MYH11: variants seen among roughly 807,000 people sequenced by gnomAD.
MYH11 encodes the protein myosin heavy chain 11, also known as myosin-11.
A neutral mutation model predicts 246.6 loss-of-function variants in MYH11; 80 were observed. The ratio of observed to expected loss-of-function variants is 0.32; its 90% confidence interval spans 0.27 to 0.39. The LOEUF (loss-of-function observed/expected upper bound fraction) is 0.39, where lower values mean the gene tolerates loss of function less well. MYH11 is among the 10% of genes least tolerant of loss of function. MYH11 has a pLI of 1.00. For synonymous variants in MYH11, 1,071 were observed against 1,015.5 expected (o/e 1.05, Z -1.04); for missense variants, 2,158 against 2,546.8 (o/e 0.85, Z 3.29).
chr16:15,786,870 T>G, intron 4 of MYH11, 138 bp from the exon 5 acceptor site: 1 of 844,562 alleles, frequency 1.2e-6, no homozygotes, highest in Non-Finnish European at 2.0e-6. Context: ...GGGAAGTAAC[T>G]TGCCCAAGGC....
intron 20 of MYH11, among the ~76,000 whole-genome samples, chr16:15,743,432 G>A (rs2041331031): frequency 6.6e-6 from 1 of 152,136 alleles, no homozygotes; most frequent in South Asian, 2.1e-4. Flanking sequence ...GCCACCCAAA[G>A]TGCTGGGATT....
intron 12 of MYH11, 92 bp from the exon 13 acceptor site, chr16:15,758,092 C>T (rs2041778464): frequency 2.5e-6 from 4 of 1,574,476 alleles, no homozygotes; most frequent in Admixed American, 1.7e-5. Flanking sequence ...ACAGCGCCCC[C>T]ATGGCCCGCC....
intron 13 of MYH11, 54 bp from the exon 14 acceptor site, chr16:15,756,568 C>T: frequency 1.3e-6 from 2 of 1,596,042 alleles, no homozygotes; most frequent in Non-Finnish European, 1.7e-6. Flanking sequence ...CTCAGGCATT[C>T]CATGAAGAGC....
At chr16:15,735,604 G>A in intron 25 of MYH11, 26 bp from the exon 26 acceptor site, 19 of 1,612,810 alleles carry the variant, frequency 1.2e-5, no homozygotes, top group Non-Finnish European at 1.6e-5. Context: ...CCAGCAGAAT[G>A]AACCCCCAGG....
chr16:15,765,000 T>C (rs980107116), intron 9 of MYH11, among the ~76,000 whole-genome samples: 2 of 152,222 alleles, frequency 1.3e-5, no homozygotes, highest in Non-Finnish European at 2.9e-5. Flanking sequence ...GTTAAAATAG[T>C]TTCTATGTCT....
At chr16:15,787,289 T>G (rs930893712) in intron 4 of MYH11, among the ~76,000 whole-genome samples, 2 of 151,696 alleles carry the variant, frequency 1.3e-5, no homozygotes, top group Non-Finnish European at 2.9e-5. Flanking sequence ...ATGCCTGTAG[T>G]CCCAGCTACT....
At chr16:15,759,196 CTTTT>C (rs10593456) in intron 12 of MYH11, among the ~76,000 whole-genome samples, 3 of 119,390 alleles carry the variant, frequency 2.5e-5, no homozygotes, top group African/African-American at 9.4e-5. Flanking sequence ...GAGATATGTG[CTTTT>C]TTTTTTTTTT....
rs1315936081 is a variant in MYH11 at position 15,720,885 on chromosome 16, G to A, written c.4745C>T (p.Ala1582Val). ...LKGQFERDLQ[A>V]RDEQNEEKRR... is the part of the protein sequence containing the mutation. ...CTTCTCCTCATTCTGCTCGTCCCGG[G>A]CTTGGAGATCCCTTTCGAACTGGCC... The change falls in exon 33 of 41, where the codon GCC (alanine) becomes GTC (valine). Residue 1582 changes from alanine (A) to valine (V), a missense_variant. By Grantham distance (64) the Ala-to-Val change is moderately conservative (BLOSUM62 0). This residue lies in a region of MYH11 where 1,013 missense variants were observed against 993.5 expected (regional missense o/e 1.02). Transcript: ENST00000300036. The A allele has an allele frequency of 1.9e-6, 3 of 1,613,952 alleles. No homozygotes were observed. In the South Asian group the frequency reaches 3.3e-5, roughly 18 times the overall value.
chr16:15,763,984 C>T (rs1297571213), intron 9 of MYH11, 93 bp from the exon 10 acceptor site: 1 of 918,766 alleles, frequency 1.1e-6, no homozygotes, highest in Non-Finnish European at 1.8e-6. Context: ...GACCCAGAGC[C>T]AGCTTACATC....
At chr16:15,771,435 C>CTTTTTT in intron 9 of MYH11, 134 bp downstream of exon 9, 5 of 703,380 alleles carry the variant, frequency 7.1e-6, no homozygotes, top group Non-Finnish European at 8.7e-6. Context: ...CATTTTCCTC[C>CTTTTTT]TTTTTTTTTT....
chr16:15,756,248 A>C, intron 14 of MYH11, 93 bp downstream of exon 14: 1 of 1,423,590 alleles, frequency 7.0e-7, no homozygotes, highest in Non-Finnish European at 9.7e-7. Flanking sequence ...GTTTCCAGGC[A>C]GCCCAAGGTT....
rs570626295 is a variant in MYH11 at position 15,828,666 on chromosome 16, G to A, written c.346-5255C>T. ...AAATTAGCCAGGCATGATGGCAGGC[G>A]CCTGTAATCCCAGCTAGTCGGGAGG... On this transcript the variant is annotated intron_variant, in intron 2 of 40. Transcript: ENST00000300036. Among the ~76,000 whole-genome samples, 145 of 151,556 alleles carry A rather than the reference G, an allele frequency of 9.6e-4. 1 individual carries two copies. The highest frequency in any genetic ancestry group is 4.1e-3 in the Admixed American group (62 of 15,178).
chr16:15,819,394 G>C (rs924316459), intron 3 of MYH11, among the ~76,000 whole-genome samples: 2 of 152,206 alleles, frequency 1.3e-5, no homozygotes, highest in African/African-American at 4.8e-5. Context: ...AGCAGGAGGT[G>C]AGTAGTGGGC....
intron 3 of MYH11, among the ~76,000 whole-genome samples, chr16:15,810,275 T>C (rs2043109176): frequency 6.6e-6 from 1 of 152,042 alleles, no homozygotes; most frequent in Non-Finnish European, 1.5e-5. Context: ...CCTCAGATGA[T>C]CTGCCTGCCT....
At chr16:15,794,459 T>G (rs6498575) in intron 4 of MYH11, among the ~76,000 whole-genome samples, 73,841 of 152,182 alleles carry the variant, frequency 0.49, 21,772 homozygotes, top group African/African-American at 0.84. Flanking sequence ...AATAAAAGTC[T>G]GATCGTTTTG....
At chr16:15,824,100 A>G (rs1164929863) in intron 2 of MYH11, among the ~76,000 whole-genome samples, 2 of 143,426 alleles carry the variant, frequency 1.4e-5, no homozygotes, top group Admixed American at 1.4e-4. Context: ...GATGCTGACA[A>G]TCATATTAAA....
At chr16:15,725,267 T>C (rs1052107398) in intron 28 of MYH11, 1 of 590,448 alleles carries the variant, frequency 1.7e-6, no homozygotes, top group South Asian at 2.1e-5. Context: ...CCCAATGGTA[T>C]TGACTGGGAC....
At position 15,756,518 on chromosome 16, in the gene MYH11, T is replaced by C. The variant is rs189193825; in HGVS notation, c.1576-4A>G. Reference sequence around the variant, plus strand: ...CCAGCACACCTGGAGGGTTGTTCTGTGGGAGACAAGTAGGGCTTGAATCAG... The same window carrying C: ...CCAGCACACCTGGAGGGTTGTTCTGCGGGAGACAAGTAGGGCTTGAATCAG... On this transcript the variant is annotated splice_region_variant and splice_polypyrimidine_tract_variant and intron_variant, in intron 13 of 40. Transcript: ENST00000300036. 1.4e-5 allele frequency: 22 copies of C among 1,614,148 alleles called. No individual in the cohort carries two copies. Among genetic ancestry groups the C allele is most frequent in the Admixed American group, 5.0e-5 (3 of 60,022 alleles).
chr16:15,784,756 G>A lies in MYH11; in HGVS notation c.633+1874C>T, dbSNP rs375870725. 3.3e-5 allele frequency: 53 copies of A among 1,612,734 alleles called. 1 individual carries two copies. The highest frequency in any genetic ancestry group is 1.2e-4 in the South Asian group (11 of 90,822). The stretch of plus-strand genomic sequence containing the variant: ...AACACAGTATAAAACAAATGTCAGC[G>A]TTATTTCCATCACATGGACATCAGG... On this transcript the variant is annotated intron_variant, in intron 5 of 40. Coordinates refer to ENST00000300036, the MANE Select transcript of MYH11 (RefSeq NM_002474.3).
Sources: allele counts gnomAD v4.1 joint callset (sites outside exome capture counted in the v4.1 genomes callset), GRCh38; gene constraint gnomAD v4.1.1; regional missense constraint gnomAD v4.1.1; transcripts MANE v1.5; gene names NCBI Gene and HGNC (gene_info 2026-07-23, HGNC 2026-07-21).